FSIP1: variants seen among roughly 807,000 people sequenced by gnomAD.
FSIP1 encodes the protein fibrous sheath-interacting protein 1.
FSIP1 carries 65 observed loss-of-function variants against 60.9 expected under a neutral mutation model. The observed-to-expected ratio is 1.07, with a 90% CI of 0.87 to 1.31. FSIP1 has a LOEUF of 1.31. Ranked by LOEUF, FSIP1 falls within the 40% of genes most tolerant of loss-of-function variation. FSIP1 has a pLI of 0.00. For synonymous variants in FSIP1, 209 were observed against 221.2 expected, an observed-to-expected ratio of 0.94 and a Z score of 0.49; for missense variants, 675 against 665.5, an observed-to-expected ratio of 1.01 and a Z score of -0.16.
At position 39,765,748 on chromosome 15, in the gene FSIP1, T is replaced by C. The variant is rs758386674; in HGVS notation, c.311-2A>G. 7 of 1,470,748 alleles carry C rather than the reference T, an allele frequency of 4.8e-6. No homozygotes were observed. The highest frequency in any genetic ancestry group is 6.5e-6 in the Non-Finnish European group (7 of 1,075,710). 91.1% of individuals were successfully genotyped at this position (1,470,748 alleles called of 1,614,324 possible). On this transcript the variant is annotated splice_acceptor_variant, in intron 3 of 11. Transcript: ENST00000350221. LOFTEE classifies it high-confidence loss of function. ...CTAATTCTTTTAATTTGGGTTCATCTATATTGTGTTGAAAGTAAAAATAGG... is the reference window on the plus strand; with the variant it reads ...CTAATTCTTTTAATTTGGGTTCATCCATATTGTGTTGAAAGTAAAAATAGG...
intron 6 of FSIP1, 151 bp from the exon 7 acceptor site, chr15:39,739,940 T>C (rs949886483): frequency 2.0e-6 from 1 of 495,260 alleles, no homozygotes; most frequent in Non-Finnish European, 3.4e-6. Flanking sequence ...TAATATATAA[T>C]GGAGATCTAG....
intron 11 of FSIP1, among the ~76,000 whole-genome samples, chr15:39,611,038 A>T (rs1242486640): frequency 1.3e-5 from 2 of 152,254 alleles, no homozygotes. Flanking sequence ...AGCAAAAAGC[A>T]CTAAATGGTG....
At chr15:39,663,862 G>C (rs58332880) in intron 10 of FSIP1, among the ~76,000 whole-genome samples, 1 of 151,934 alleles carries the variant, frequency 6.6e-6, no homozygotes, top group African/African-American at 2.4e-5. Context: ...CTACTTCATC[G>C]GCAAGAAAAG....
chr15:39,765,756 G>A lies in FSIP1; in HGVS notation c.311-10C>T. 2.1e-6 allele frequency: 3 copies of A among 1,428,508 alleles called. No homozygotes were observed. The highest frequency in any genetic ancestry group is 1.5e-5 in the African/African-American group (1 of 68,842). The allele number at this position is 1,428,508 out of a possible 1,614,324, so 88.5% of individuals were successfully genotyped here. A position where few individuals can be genotyped will look rare whatever the true frequency, so the allele number is the denominator to read the frequency against. On this transcript the variant is annotated splice_polypyrimidine_tract_variant and intron_variant, in intron 3 of 11. Transcript: ENST00000350221. ...TTTAATTTGGGTTCATCTATATTGT[G>A]TTGAAAGTAAAAATAGGTTTGAAGT...
At chr15:39,663,171 C>T (rs1176063516) in intron 10 of FSIP1, among the ~76,000 whole-genome samples, 1 of 151,796 alleles carries the variant, frequency 6.6e-6, no homozygotes, top group Non-Finnish European at 1.5e-5. Flanking sequence ...CTCTAAATAC[C>T]ATATAATAGT....
At chr15:39,601,548 G>A (rs1232059855) in intron 11 of FSIP1, among the ~76,000 whole-genome samples, 1 of 152,156 alleles carries the variant, frequency 6.6e-6, no homozygotes, top group East Asian at 1.9e-4. Flanking sequence ...CCACTTCTAG[G>A]TATAAGCCCA....
chr15:39,708,761 C>A (rs1174155352), intron 10 of FSIP1, among the ~76,000 whole-genome samples: 1 of 152,130 alleles, frequency 6.6e-6, no homozygotes, highest in East Asian at 1.9e-4. Context: ...TTAATGTGTC[C>A]CAGAGCAGCT....
rs186077466 is a variant in FSIP1, at chr15:39,662,706, C to T, written c.1189-44461G>A. 1.0e-3 allele frequency among the ~76,000 whole-genome samples: 125 copies of T among 124,734 alleles called. 1 individual carries two copies. The highest frequency in any genetic ancestry group is 3.5e-3 in the African/African-American group (121 of 34,104). 81.8% of individuals were successfully genotyped at this position (124,734 alleles called of 152,430 possible). A position where few individuals can be genotyped will look rare whatever the true frequency, so the allele number is the denominator to read the frequency against. Reference sequence around the variant, plus strand: ...ACTAGACTGTAAGGTTAAGAAAAACCCACTAAGTCACTGAAAAAAAAAAAA... The same window carrying T: ...ACTAGACTGTAAGGTTAAGAAAAACTCACTAAGTCACTGAAAAAAAAAAAA... On this transcript the variant is annotated intron_variant, in intron 10 of 11. Transcript: ENST00000350221.
At chr15:39,597,461 A>G (rs1890495098), downstream of FSIP1, 1 of 151,938 alleles carries the variant, frequency 6.6e-6, no homozygotes, top group Non-Finnish European at 1.5e-5. Context: ...GGAAATTTAT[A>G]TTTATACTTA....
chr15:39,657,995 G>A (rs1057395258), intron 10 of FSIP1, among the ~76,000 whole-genome samples: 3 of 152,114 alleles, frequency 2.0e-5, no homozygotes, highest in Admixed American at 6.5e-5. Context: ...ATACAAAAAC[G>A]CTCTGACACT....
At chr15:39,692,767 A>G (rs1351289141) in intron 10 of FSIP1, among the ~76,000 whole-genome samples, 2 of 152,166 alleles carry the variant, frequency 1.3e-5, no homozygotes, top group African/African-American at 4.8e-5. Flanking sequence ...AAAGAAAGAA[A>G]GAAAGAAAAG....
At chr15:39,648,367 A>G (rs941230883) in intron 10 of FSIP1, among the ~76,000 whole-genome samples, 3 of 152,210 alleles carry the variant, frequency 2.0e-5, no homozygotes, top group Admixed American at 2.0e-4. Context: ...CACTAACAAT[A>G]TATAATGTTT....
chr15:39,760,437 G>GA (rs1897456358), intron 5 of FSIP1, among the ~76,000 whole-genome samples: 1 of 152,122 alleles, frequency 6.6e-6, no homozygotes, highest in Non-Finnish European at 1.5e-5. Context: ...TGATCAAGGT[G>GA]AAACATTACC....
intron 10 of FSIP1, among the ~76,000 whole-genome samples, chr15:39,656,558 G>A (rs985329369): frequency 6.6e-6 from 1 of 152,170 alleles, no homozygotes; most frequent in East Asian, 1.9e-4. Context: ...GAGACTTAGG[G>A]AAATTGCTTG....
At chr15:39,735,266 A>G (rs1289803624) in intron 8 of FSIP1, among the ~76,000 whole-genome samples, 1 of 152,234 alleles carries the variant, frequency 6.6e-6, no homozygotes, top group Non-Finnish European at 1.5e-5. Flanking sequence ...GTGTACTTAC[A>G]CAAACCTAGA....
chr15:39,606,669 A>G (rs1439101514), intron 11 of FSIP1, among the ~76,000 whole-genome samples: 1 of 152,170 alleles, frequency 6.6e-6, no homozygotes, highest in Non-Finnish European at 1.5e-5. Context: ...GTCCAACGAG[A>G]AATTCCACTT....
At chr15:39,747,640 A>G (rs1312157826) in intron 5 of FSIP1, among the ~76,000 whole-genome samples, 1 of 152,202 alleles carries the variant, frequency 6.6e-6, no homozygotes, top group Non-Finnish European at 1.5e-5. Context: ...AACAGAAGCA[A>G]TATGTAATCC....
chr15:39,704,987 T>C (rs1895205030), intron 10 of FSIP1, among the ~76,000 whole-genome samples: 1 of 152,006 alleles, frequency 6.6e-6, no homozygotes, highest in Non-Finnish European at 1.5e-5. Flanking sequence ...AGAGAAAGAA[T>C]GTGGATAGAA....
At chr15:39,731,559 T>C (rs1265510115) in intron 8 of FSIP1, among the ~76,000 whole-genome samples, 1 of 152,226 alleles carries the variant, frequency 6.6e-6, no homozygotes, top group East Asian at 1.9e-4. Flanking sequence ...ACCAGAAATG[T>C]ATATGTTTTA....
Sources: allele counts gnomAD v4.1 joint callset (sites outside exome capture counted in the v4.1 genomes callset), GRCh38; gene constraint gnomAD v4.1.1; transcripts MANE v1.5; gene names NCBI Gene and HGNC (gene_info 2026-07-23, HGNC 2026-07-21).